The following SLC25A46 variants were observed in gnomAD, a reference collection of about 807,000 sequenced individuals.
The protein encoded by SLC25A46 is mitochondrial outer membrane protein SLC25A46.
A neutral mutation model predicts 44.6 loss-of-function variants in SLC25A46; 39 were observed. That is an observed-to-expected ratio of 0.87 (90% confidence interval 0.68 to 1.14). SLC25A46 has a LOEUF of 1.14. SLC25A46 is among the 50% of genes most tolerant of loss of function. The probability of loss-of-function intolerance (pLI) is 0.00; values close to 1 mark genes in which losing one functional copy is unlikely to be tolerated. For synonymous variants in SLC25A46, 202 were observed against 185.8 expected, an observed-to-expected ratio of 1.09 and a Z score of -0.71; for missense variants, 547 against 522.7, an observed-to-expected ratio of 1.05 and a Z score of -0.45.
rs764797843 is a variant in SLC25A46 at position 110,756,702 on chromosome 5, C to A, written c.621C>A (p.Ser207=). The change falls in exon 7 of 8, where the codon TCC becomes TCA. Residue 207 remains serine, a splice_region_variant and synonymous_variant. Coordinates refer to ENST00000355943, the MANE Select transcript of SLC25A46 (RefSeq NM_138773.4). ...GATAAATTTGTTTTAATTTCTATAGCCTAACTTACGTGGTGGCAATGCCTT... is the reference window on the plus strand; with the variant it reads ...GATAAATTTGTTTTAATTTCTATAGACTAACTTACGTGGTGGCAATGCCTT... ...KQIGEHLLLK[S]LTYVVAMPFY... is the part of the protein sequence containing the mutation. 1.3e-6 allele frequency: 2 copies of A among 1,572,896 alleles called. No homozygotes were observed. The highest frequency in any genetic ancestry group is 1.7e-6 in the Non-Finnish European group (2 of 1,165,420).
intron 3 of SLC25A46, among the ~76,000 whole-genome samples, chr5:110,744,362 T>A (rs1485569132): frequency 6.6e-6 from 1 of 152,224 alleles, no homozygotes; most frequent in Non-Finnish European, 1.5e-5. Flanking sequence ...CAGAAATCAT[T>A]TTAGTGAACT....
rs1353851142 is a variant in SLC25A46 at position 110,739,099 on chromosome 5, C to T, written c.-21C>T. The T allele has an allele frequency of 7.1e-6, 11 of 1,542,302 alleles. No homozygotes were observed. The highest frequency in any genetic ancestry group is 1.4e-5 in the African/African-American group (1 of 72,854). ...TGGTGGTGGGCTCCGGGCGGGCTCG[C>T]GTCATCCTGCCCCCGCTGCGATGCA... On this transcript the variant is annotated 5_prime_UTR_variant, in exon 1 of 8. Transcript: ENST00000355943.
rs189240736 is a variant in SLC25A46 at position 110,762,172 on chromosome 5, A to G, written c.*390A>G. 188 of 199,728 alleles carry G rather than the reference A, an allele frequency of 9.4e-4. No homozygotes were observed. Among genetic ancestry groups the G allele is most frequent in the African/African-American group, 4.3e-3 (179 of 42,116 alleles). 12.4% of individuals were successfully genotyped at this position (199,728 alleles called of 1,614,324 possible). A position where few individuals can be genotyped will look rare whatever the true frequency, so the allele number is the denominator to read the frequency against. The stretch of plus-strand genomic sequence containing the variant: ...CCTCCTAGATTGATGTTGGTATAGT[A>G]TCCTTAATACAGTGTAGTATATTAA... On this transcript the variant is annotated 3_prime_UTR_variant, in exon 8 of 8. Coordinates refer to ENST00000355943, the MANE Select transcript of SLC25A46 (RefSeq NM_138773.4).
At chr5:110,739,940 A>G (rs1259569714) in intron 1 of SLC25A46, among the ~76,000 whole-genome samples, 3 of 152,120 alleles carry the variant, frequency 2.0e-5, no homozygotes, top group Non-Finnish European at 4.4e-5. Flanking sequence ...CTAAAAAAAA[A>G]AAGTTTCCTT....
At chr5:110,747,367 A>G (rs1015319427) in intron 4 of SLC25A46, among the ~76,000 whole-genome samples, 7 of 152,166 alleles carry the variant, frequency 4.6e-5, no homozygotes, top group African/African-American at 1.7e-4. Context: ...GTTAAAAATA[A>G]GCAAAACAAA....
intron 3 of SLC25A46, chr5:110,745,705 G>A (rs1799799745): frequency 6.6e-6 from 1 of 152,256 alleles, no homozygotes; most frequent in Admixed American, 6.5e-5. Context: ...TTGACTGTAT[G>A]TGCCACAGAA....
intron 5 of SLC25A46, 66 bp downstream of exon 5, chr5:110,748,329 A>T: frequency 7.7e-7 from 1 of 1,293,118 alleles, no homozygotes; most frequent in Non-Finnish European, 1.1e-6. Context: ...TGCAGGCGGT[A>T]CATGTGCAGG....
intron 5 of SLC25A46, chr5:110,753,585 G>A (rs1800026703): frequency 6.6e-6 from 1 of 151,980 alleles, no homozygotes. Flanking sequence ...TTATAAAAAG[G>A]TTTAGTGACT....
In SLC25A46 at chr5:110,761,816, T is replaced by G. The variant is rs1800260449; in HGVS notation, c.*34T>G. On this transcript the variant is annotated 3_prime_UTR_variant, in exon 8 of 8. Coordinates refer to ENST00000355943, the MANE Select transcript of SLC25A46 (RefSeq NM_138773.4). The surrounding 1 kb of genome is among the most constrained non-coding windows in gnomAD (Gnocchi z 5.3). ...TTCCTTCACTGAGTAGTCTGGAAGA[T>G]ATAATCTGGATAATTTGCTATGAAG... 1 of 1,514,504 alleles carries G rather than the reference T, an allele frequency of 6.6e-7. No individual in the cohort carries two copies. The highest frequency in any genetic ancestry group is 1.2e-5 in the South Asian group (1 of 81,904). 93.8% of individuals were successfully genotyped at this position (1,514,504 alleles called of 1,614,324 possible).
Position 110,762,422 on chromosome 5 carries a change from T to C in SLC25A46, c.*640T>C, listed in dbSNP as rs1260595200. The C allele has an allele frequency of 6.6e-6, 1 of 151,876 alleles. No individual in the cohort carries two copies. Among genetic ancestry groups the C allele is most frequent in the Non-Finnish European group, 1.5e-5 (1 of 67,920 alleles). 9.4% of individuals were successfully genotyped at this position (151,876 alleles called of 1,614,324 possible). Reference sequence around the variant, plus strand: ...GAATTTCCTTCATCCCTACACATTTTCTACACTTACATCACCTTATTGCAT... The same window carrying C: ...GAATTTCCTTCATCCCTACACATTTCCTACACTTACATCACCTTATTGCAT... On this transcript the variant is annotated 3_prime_UTR_variant, in exon 8 of 8. Coordinates refer to ENST00000355943, the MANE Select transcript of SLC25A46 (RefSeq NM_138773.4).
chr5:110,738,858 T>G (rs1799497346), upstream of SLC25A46: 4 of 735,998 alleles, frequency 5.4e-6, no homozygotes, highest in Non-Finnish European at 6.3e-6. Context: ...CACAACCATA[T>G]TCCCACCTAT....
At chr5:110,758,724 G>A (rs1317622786) in intron 7 of SLC25A46, among the ~76,000 whole-genome samples, 1 of 152,014 alleles carries the variant, frequency 6.6e-6, no homozygotes, top group Non-Finnish European at 1.5e-5. Flanking sequence ...AGAGGTTGCA[G>A]TGAGCTGAGA....
At chr5:110,747,750 A>G (rs1175289984) in intron 4 of SLC25A46, among the ~76,000 whole-genome samples, 2 of 152,114 alleles carry the variant, frequency 1.3e-5, no homozygotes, top group Non-Finnish European at 2.9e-5. Context: ...TTTTCTAGAT[A>G]TATTGTTTGG....
At chr5:110,756,220 T>A (rs1258653833) in intron 6 of SLC25A46, 1 of 151,024 alleles carries the variant, frequency 6.6e-6, no homozygotes, top group Non-Finnish European at 1.5e-5. Context: ...GAAACAACTT[T>A]GCAAAGCTGT....
intron 5 of SLC25A46, among the ~76,000 whole-genome samples, chr5:110,752,738 A>T (rs1009812271): frequency 1.3e-5 from 2 of 152,192 alleles, no homozygotes; most frequent in Admixed American, 6.6e-5. Context: ...GTACAAGTGC[A>T]TTTTCAGATC....
chr5:110,746,319 T>C lies in SLC25A46; in HGVS notation c.435T>C (p.Asn145=). 1.3e-6 allele frequency: 2 copies of C among 1,591,944 alleles called. No individual in the cohort carries two copies. The highest frequency in any genetic ancestry group is 1.7e-6 in the Non-Finnish European group (2 of 1,172,572). ...HYHLTPFTVI[N]IMYSFNKTQG... is the part of the protein sequence containing the mutation. ...ATCTCACTCCATTTACAGTCATCAA[T>C]ATTATGTACAGTTTCAACAAAACTC... The change falls in exon 4 of 8, where the codon AAT becomes AAC. Residue 145 remains asparagine, a synonymous_variant. Transcript: ENST00000355943.
At chr5:110,747,403 G>C (rs1343552124) in intron 4 of SLC25A46, among the ~76,000 whole-genome samples, 2 of 152,092 alleles carry the variant, frequency 1.3e-5, no homozygotes, top group Non-Finnish European at 2.9e-5. Flanking sequence ...TACACACACA[G>C]ATATACTTGT....
In SLC25A46 at chr5:110,746,452, T is replaced by C. The variant is rs76877641; in HGVS notation, c.462+106T>C. ...CTTTCAGTTTGGTCAATAAAACATC[T>C]TAACTGTTGTAGTAAAACTAAAGTA... On this transcript the variant is annotated intron_variant, in intron 4 of 7. Coordinates refer to ENST00000355943, the MANE Select transcript of SLC25A46 (RefSeq NM_138773.4). The C allele has an allele frequency of 0.12, 82,201 of 700,480 alleles. 5,868 individuals are homozygous for C. The highest frequency in any genetic ancestry group is 0.15 in the Non-Finnish European group (61,972 of 418,332). 43.4% of individuals were successfully genotyped at this position (700,480 alleles called of 1,614,324 possible).
At chr5:110,748,138 A>G (rs758924555) in intron 4 of SLC25A46, 25 bp from the exon 5 acceptor site, 1 of 1,540,714 alleles carries the variant, frequency 6.5e-7, no homozygotes, top group Non-Finnish European at 9.0e-7. Context: ...ATTAACAGAA[A>G]TAACATGAAT....
Sources: gnomAD v4.1 joint callset for allele counts (sites outside exome capture counted in the v4.1 genomes callset) on GRCh38, gnomAD v4.1.1 for gene constraint, Gnocchi (gnomAD v3.1) non-coding constraint, MANE v1.5 for transcripts, NCBI Gene and HGNC (gene_info 2026-07-23, HGNC 2026-07-21) for gene names.